ARMCX4: variants seen among roughly 807,000 people sequenced by gnomAD.
ARMCX4 encodes the protein armadillo repeat containing X-linked 4, also known as armadillo repeat-containing X-linked protein 4.
In ARMCX4, 3 loss-of-function variants were observed where a neutral mutation model predicts 34.7. The ratio of observed to expected loss-of-function variants is 0.09; its 90% CI spans 0.04 to 0.22. The LOEUF (loss-of-function observed/expected upper bound fraction) is 0.22. Among genes scored for constraint, ARMCX4 ranks in the 10% least tolerant of loss-of-function variants. The pLI, the probability that ARMCX4 is intolerant of heterozygous loss-of-function variation, is 1.00. For synonymous variants in ARMCX4, 513 were observed against 632.8 expected (o/e 0.81, Z 2.84); for missense variants, 1,448 against 1,720.8 (o/e 0.84, Z 2.81).
At chrX:101,508,151 A>G (rs904022649) in intron 8 of ARMCX4, among the ~76,000 whole-genome samples, 1 of 112,129 alleles carries the variant, frequency 8.9e-6, no homozygotes, top group African/African-American at 3.2e-5. Flanking sequence ...TTGTGTAAAT[A>G]TACTCTGTAA....
chrX:101,441,019 C>T (rs1452186238), intron 2 of ARMCX4, among the ~76,000 whole-genome samples: 4 of 110,911 alleles, frequency 3.6e-5, no homozygotes, highest in Admixed American at 9.6e-5. Context: ...GAGATGAACC[C>T]GGTACCTCAG....
chrX:101,487,181 A>G lies in ARMCX4; in HGVS notation c.-366-12A>G, dbSNP rs1243666085. The stretch of plus-strand genomic sequence containing the variant: ...AACATCCACTCTCTTCTTTTTCTCC[A>G]TCTGTTCCAAGGTCTTCCCATAGGC... On this transcript the variant is annotated splice_polypyrimidine_tract_variant and intron_variant, in intron 2 of 5. Coordinates refer to ENST00000423738, the MANE Select transcript of ARMCX4 (RefSeq NM_001256155.3). 2.8e-5 allele frequency: 3 copies of G among 107,744 alleles called. No individual in the cohort carries two copies. The highest frequency in any genetic ancestry group is 1.0e-4 in the African/African-American group (3 of 29,148). 8.9% of individuals were successfully genotyped at this position (107,744 alleles called of 1,213,427 possible). A position where few individuals can be genotyped will look rare whatever the true frequency, so the allele number is the denominator to read the frequency against.
chrX:101,512,811 TATACACATATATATACAC>T (rs1934614391), intron 11 of ARMCX4, among the ~76,000 whole-genome samples: 5 of 87,368 alleles, frequency 5.7e-5, no homozygotes, highest in South Asian at 4.9e-4. Context: ...TATACACATA[TATACACATATATATACAC>T]ATATATATAT....
rs190686176 is a variant in ARMCX4, at chrX:101,466,243, C to T, written c.-472-19780C>T. The stretch of plus-strand genomic sequence containing the variant: ...AGAGTGGCTTTAAAAATGACAAAAC[C>T]AAGTGCATGTCAGAATTGGAGCAAC... On this transcript the variant is annotated intron_variant and NMD_transcript_variant, in intron 4 of 15. Transcript: ENST00000433011. 2.1e-3 allele frequency among the ~76,000 whole-genome samples: 233 copies of T among 111,874 alleles called. 1 individual carries two copies. Among genetic ancestry groups the T allele is most frequent in the African/African-American group, 7.0e-3 (217 of 30,898 alleles).
intron 2 of ARMCX4, among the ~76,000 whole-genome samples, chrX:101,434,524 G>C (rs781913213): frequency 9.0e-6 from 1 of 111,480 alleles, no homozygotes; most frequent in Non-Finnish European, 1.9e-5. Flanking sequence ...AGAATTATAG[G>C]CGTGAGCCAC....
chrX:101,437,754 A>G (rs1930903691), intron 2 of ARMCX4, among the ~76,000 whole-genome samples: 1 of 111,601 alleles, frequency 9.0e-6, no homozygotes, highest in Non-Finnish European at 1.9e-5. Flanking sequence ...TCAATTTTAG[A>G]TATTTCCTGC....
At chrX:101,421,991 GTTATTATTATTATTA>G (rs200537627) in intron 2 of ARMCX4, among the ~76,000 whole-genome samples, 50 of 96,398 alleles carry the variant, frequency 5.2e-4, no homozygotes, top group Non-Finnish European at 8.1e-4. Context: ...TGGGGGATCA[GTTATTATTATTATTA>G]TTATTATTAT....
chrX:101,490,088 C>T lies in ARMCX4; in HGVS notation c.1499C>T (p.Pro500Leu). The change falls in exon 6 of 6, where the codon CCT (proline) becomes CTT (leucine). Residue 500 changes from proline to leucine, a missense_variant. Pro to Leu is a moderately conservative substitution (Grantham distance 98, BLOSUM62 -3). Around this residue, in one of 2 missense-constraint regions of ARMCX4, gnomAD observed 1,343 missense variants for 1,540.7 expected, o/e 0.87. Transcript: ENST00000423738. ...IKVRGNVNTM[P>L]KEGAGVDMKA... ...GTCAGGGGCAATGTCAATACCATGC[C>T]TAAGGAAGGAGCTGGGGTGGATATG... is the stretch of plus-strand genomic sequence containing the variant. 1 of 1,155,894 alleles carries T rather than the reference C, an allele frequency of 8.7e-7. No individual in the cohort carries two copies. The highest frequency in any genetic ancestry group is 1.1e-6 in the Non-Finnish European group (1 of 872,879).
chrX:101,454,254 C>T (rs1241644847), intron 4 of ARMCX4, among the ~76,000 whole-genome samples: 3 of 109,120 alleles, frequency 2.7e-5, no homozygotes, highest in African/African-American at 1.0e-4. Context: ...GTAAATACTT[C>T]CATCATGGCC....
intron 4 of ARMCX4, among the ~76,000 whole-genome samples, chrX:101,453,471 CT>C (rs1932100950): frequency 8.9e-6 from 1 of 111,851 alleles, no homozygotes; most frequent in Non-Finnish European, 1.9e-5. Context: ...GGGGCCTAAG[CT>C]GCATGTCTAA....
upstream of ARMCX4, chrX:101,485,401 G>A (rs1405192162): frequency 1.6e-5 from 5 of 315,358 alleles, no homozygotes; most frequent in Non-Finnish European, 1.7e-5. Flanking sequence ...GCGGTGACGC[G>A]CGGTCCTCAC....
At chrX:101,519,818 C>T (rs1371720913) in intron 11 of ARMCX4, among the ~76,000 whole-genome samples, 1 of 111,322 alleles carries the variant, frequency 9.0e-6, no homozygotes, top group Admixed American at 9.6e-5. Flanking sequence ...TTCTCCACAT[C>T]CTCATCAACA....
chrX:101,490,100 C>G lies in ARMCX4; in HGVS notation c.1511C>G (p.Ala504Gly). ...GTCAATACCATGCCTAAGGAAGGAGCTGGGGTGGATATGAAGGCTCAAGGT... is the reference window on the plus strand; with the variant it reads ...GTCAATACCATGCCTAAGGAAGGAGGTGGGGTGGATATGAAGGCTCAAGGT... ...GNVNTMPKEG[A>G]GVDMKAQGMA... The change falls in exon 6 of 6, where the codon GCT becomes GGT. Residue 504 changes from alanine (A) to glycine (G), a missense_variant. By Grantham distance (60) the Ala-to-Gly change is moderately conservative (BLOSUM62 0). Transcript: ENST00000423738. 2 of 1,155,763 alleles carry G rather than the reference C, an allele frequency of 1.7e-6. No homozygotes were observed. Among genetic ancestry groups the G allele is most frequent in the Non-Finnish European group, 1.1e-6 (1 of 872,832 alleles).
rs1378871304 is a variant in ARMCX4, at chrX:101,490,209, T to C, written c.1620T>C (p.Pro540=). 6 of 1,153,550 alleles carry C rather than the reference T, an allele frequency of 5.2e-6. No individual in the cohort carries two copies. The Admixed American group carries it at 1.3e-4, about 25-fold the overall frequency. Residue 540 remains proline (P), a synonymous_variant, in exon 6 of 6, where the codon CCT becomes CCC. Coordinates refer to ENST00000423738, the MANE Select transcript of ARMCX4 (RefSeq NM_001256155.3). ...GKAKAKCKTG[P]GMDMKTCTQP... is the part of the protein sequence containing the mutation. ...CCAAAGCCAAGTGTAAGACAGGGCC[T>C]GGGATGGACATGAAAACCTGTACAC...
At chrX:101,426,049 C>T (rs1569312053) in intron 2 of ARMCX4, among the ~76,000 whole-genome samples, 1 of 110,514 alleles carries the variant, frequency 9.0e-6, no homozygotes, top group Non-Finnish European at 1.9e-5. Flanking sequence ...TCTCGAATTC[C>T]AGGGCTCAAG....
At chrX:101,432,989 T>A (rs1366970980) in intron 2 of ARMCX4, among the ~76,000 whole-genome samples, 1 of 102,987 alleles carries the variant, frequency 9.7e-6, no homozygotes, top group African/African-American at 3.6e-5. Context: ...TATACACACA[T>A]GTATACATAT....
In ARMCX4 at chrX:101,463,053, CA is replaced by C. The variant is rs782398861; in HGVS notation, c.-473+17011del. The stretch of plus-strand genomic sequence containing the variant: ...CCCTCTGTCCTGACTTTCATAATTG[CA>C]ACTCTGATTCTAATCACCAGGTGGC... On this transcript the variant is annotated intron_variant and NMD_transcript_variant, in intron 4 of 15. Transcript: ENST00000433011. Among the ~76,000 whole-genome samples, 457 of 111,855 alleles carry C rather than the reference CA, an allele frequency of 4.1e-3. 2 individuals are homozygous for C. Among genetic ancestry groups the C allele is most frequent in the Non-Finnish European group, 5.4e-3 (287 of 53,167 alleles).
downstream of ARMCX4, among the ~76,000 whole-genome samples, chrX:101,497,362 G>A (rs782703480): frequency 1.1e-4 from 12 of 109,440 alleles, no homozygotes; most frequent in African/African-American, 3.7e-4. Context: ...TCAGCCTCCC[G>A]AGTAGCTGGG....
intron 2 of ARMCX4, among the ~76,000 whole-genome samples, chrX:101,436,772 A>T (rs1251095257): frequency 4.5e-5 from 5 of 111,368 alleles, no homozygotes; most frequent in African/African-American, 1.6e-4. Flanking sequence ...TATGATATTG[A>T]CTGTGGGTTT....
Sources: gnomAD v4.1 joint callset for allele counts (sites outside exome capture counted in the v4.1 genomes callset) on GRCh38, gnomAD v4.1.1 for gene constraint, gnomAD v4.1.1 regional missense constraint, MANE v1.5 for transcripts, NCBI Gene and HGNC (gene_info 2026-07-23, HGNC 2026-07-21) for gene names.